The following NLGN1 variants were observed in gnomAD, a reference collection of about 807,000 sequenced individuals.
The protein encoded by NLGN1 is neuroligin 1.
In NLGN1, 12 loss-of-function variants were observed where a neutral mutation model predicts 65.5. The observed-to-expected ratio is 0.18, with a 90% CI of 0.12 to 0.30. The LOEUF (loss-of-function observed/expected upper bound fraction) is 0.30, where lower values mean the gene tolerates loss of function less well. Ranked by LOEUF, NLGN1 falls within the 10% of genes least tolerant of loss-of-function variation. The pLI, the probability that NLGN1 is intolerant of heterozygous loss-of-function variation, is 1.00. For missense variants in NLGN1, 750 were observed against 1,007.1 expected (o/e 0.74, Z 3.46); for synonymous variants, 350 against 359.5 (o/e 0.97, Z 0.30).
intron 4 of NLGN1, among the ~76,000 whole-genome samples, chr3:173,858,143 C>A (rs1578826818): frequency 6.6e-6 from 1 of 152,146 alleles, no homozygotes; most frequent in South Asian, 2.1e-4. Context: ...CTTATTTTGC[C>A]ATTACTTCTT....
chr3:174,240,557 C>G (rs1322028329), intron 4 of NLGN1, among the ~76,000 whole-genome samples: 1 of 152,062 alleles, frequency 6.6e-6, no homozygotes, highest in African/African-American at 2.4e-5. Context: ...TAAGAAAAAA[C>G]AAAACCAACA....
chr3:174,146,593 G>A (rs1417144307), intron 4 of NLGN1, among the ~76,000 whole-genome samples: 3 of 146,758 alleles, frequency 2.0e-5, no homozygotes, highest in Admixed American at 1.4e-4. Context: ...TTTAGACGGA[G>A]TTTTGCTCTT....
intron 2 of NLGN1, among the ~76,000 whole-genome samples, chr3:173,510,915 C>T (rs1011588987): frequency 1.3e-5 from 2 of 152,278 alleles, no homozygotes; most frequent in African/African-American, 2.4e-5. Context: ...ATTACAAATT[C>T]GCGAGATTAA....
intron 3 of NLGN1, among the ~76,000 whole-genome samples, chr3:173,701,895 G>T (rs1021012014): frequency 1.3e-5 from 2 of 152,160 alleles, no homozygotes; most frequent in Non-Finnish European, 2.9e-5. Flanking sequence ...TTTCTACTGT[G>T]CTGCCTTTGT....
chr3:173,790,076 T>C (rs536942618), intron 3 of NLGN1, among the ~76,000 whole-genome samples: 1 of 152,296 alleles, frequency 6.6e-6, no homozygotes, highest in East Asian at 1.9e-4. Context: ...CTTTTATTTT[T>C]TTCTTCATCA....
intron 4 of NLGN1, among the ~76,000 whole-genome samples, chr3:174,271,301 ATT>A (rs10590236): frequency 0.53 from 79,457 of 150,704 alleles, 21,721 homozygotes; most frequent in East Asian, 0.71. Flanking sequence ...AACAGTCTGC[ATT>A]TTTTTTTTTA....
chr3:174,081,224 A>G (rs1742128663), intron 4 of NLGN1, among the ~76,000 whole-genome samples: 1 of 152,098 alleles, frequency 6.6e-6, no homozygotes, highest in African/African-American at 2.4e-5. Flanking sequence ...GACACATATT[A>G]TATTTATTTA....
At chr3:174,179,759 A>G (rs1345446270) in intron 4 of NLGN1, among the ~76,000 whole-genome samples, 11 of 152,078 alleles carry the variant, frequency 7.2e-5, no homozygotes, top group Admixed American at 3.3e-4. Context: ...CTGAAATCCA[A>G]ATGTCATCTC....
At chr3:174,175,430 T>C (rs1025457813) in intron 4 of NLGN1, among the ~76,000 whole-genome samples, 4 of 151,946 alleles carry the variant, frequency 2.6e-5, no homozygotes, top group East Asian at 3.9e-4. Context: ...AATCTATTTT[T>C]TCCTGAAGTA....
chr3:173,942,099 G>T (rs993313326), intron 4 of NLGN1, among the ~76,000 whole-genome samples: 10 of 146,764 alleles, frequency 6.8e-5, no homozygotes, highest in African/African-American at 2.3e-4. Flanking sequence ...CAGGAATATT[G>T]GTGGTTGGGG....
At chr3:173,681,637 G>A (rs1005844808) in intron 3 of NLGN1, among the ~76,000 whole-genome samples, 10 of 152,030 alleles carry the variant, frequency 6.6e-5, no homozygotes, top group African/African-American at 2.4e-4. Context: ...CATATTTTTG[G>A]CCCTGATTAA....
chr3:174,268,846 AT>A (rs1195671874), intron 4 of NLGN1, among the ~76,000 whole-genome samples: 2 of 152,102 alleles, frequency 1.3e-5, no homozygotes, highest in Non-Finnish European at 2.9e-5. Context: ...GAGACAAGTC[AT>A]TAAAGAGCAA....
chr3:173,479,536 A>G (rs1244453568), intron 2 of NLGN1, among the ~76,000 whole-genome samples: 1 of 152,122 alleles, frequency 6.6e-6, no homozygotes, highest in Non-Finnish European at 1.5e-5. Context: ...GGTCACTGTG[A>G]TGTCCGGATT....
intron 4 of NLGN1, among the ~76,000 whole-genome samples, chr3:174,219,432 T>C (rs542250948): frequency 1.1e-4 from 17 of 152,120 alleles, no homozygotes; most frequent in Non-Finnish European, 1.6e-4. Context: ...CCTCAGGCTG[T>C]CAATGGCATA....
intron 2 of NLGN1, among the ~76,000 whole-genome samples, chr3:173,497,018 A>C (rs2149037455): frequency 6.6e-6 from 1 of 151,994 alleles, no homozygotes; most frequent in East Asian, 1.9e-4. Context: ...TTCTTGATGA[A>C]TCATCATGAT....
chr3:173,780,195 T>A (rs912656739), intron 3 of NLGN1, among the ~76,000 whole-genome samples: 1 of 152,220 alleles, frequency 6.6e-6, no homozygotes, highest in Non-Finnish European at 1.5e-5. Context: ...CATAATAATG[T>A]GAATTAAAGA....
chr3:174,236,694 T>G lies in NLGN1; in HGVS notation c.647-38621T>G, dbSNP rs529562955. On this transcript the variant is annotated intron_variant, in intron 4 of 6. Transcript: ENST00000457714. ...TGTTACAATCAATATGTATTTGGAT[T>G]TTGTTTCTTAACCAGTCACAAATTC... Among the ~76,000 whole-genome samples the G allele has an allele frequency of 2.0e-5, 3 of 152,274 alleles. No homozygotes were observed. The East Asian group carries it at 5.8e-4, about 29-fold the overall frequency.
intron 4 of NLGN1, among the ~76,000 whole-genome samples, chr3:174,272,700 TAGATAGATATAG>T (rs1233852037): frequency 6.7e-6 from 1 of 150,016 alleles, no homozygotes; most frequent in Admixed American, 6.7e-5. Context: ...GATAGATAGA[TAGATAGATATAG>T]ATAGATAGAA....
chr3:174,057,036 T>A (rs1358285676), intron 4 of NLGN1, among the ~76,000 whole-genome samples: 3 of 152,060 alleles, frequency 2.0e-5, no homozygotes, highest in Non-Finnish European at 2.9e-5. Flanking sequence ...TGTAATTTCA[T>A]GACAACTCTA....
Sources: allele counts gnomAD v4.1 joint callset (sites outside exome capture counted in the v4.1 genomes callset), GRCh38; gene constraint gnomAD v4.1.1; transcripts MANE v1.5; gene names NCBI Gene and HGNC (gene_info 2026-07-23, HGNC 2026-07-21).